CERS5: variants seen among roughly 807,000 people sequenced by gnomAD.
CERS5 encodes LAG1 homolog, ceramide synthase 5.
In CERS5, 37 loss-of-function variants were observed where a neutral mutation model predicts 58.9. The ratio of observed to expected loss-of-function variants is 0.63; its 90% CI spans 0.48 to 0.83. The LOEUF is 0.83. Ranked by LOEUF, CERS5 falls within the 40% of genes least tolerant of loss-of-function variation. CERS5 has a pLI of 0.00. For missense variants in CERS5, 398 were observed against 489.3 expected (o/e 0.81, Z 1.76); for synonymous variants, 147 against 177.8 (o/e 0.83, Z 1.38).
chr12:50,149,670 G>A lies in CERS5; in HGVS notation c.198-5613C>T, dbSNP rs550003881. On this transcript the variant is annotated intron_variant, in intron 1 of 9. Transcript: ENST00000317551. ...TCTCAGGGTGATCCATGGGGCCTTC[G>A]GGTAGCCAGAAACCTTTAGTCTGTA... Among the ~76,000 whole-genome samples the A allele has an allele frequency of 6.0e-4, 92 of 152,200 alleles. 1 individual carries two copies. In the South Asian group the frequency reaches 0.018, roughly 30 times the overall value.
intron 4 of CERS5, among the ~76,000 whole-genome samples, chr12:50,140,408 C>G (rs908668668): frequency 4.6e-5 from 7 of 151,128 alleles, no homozygotes; most frequent in African/African-American, 1.7e-4. Context: ...CTCAGCCTCC[C>G]CAGCAGTTGG....
chr12:50,160,105 G>A (rs955665059), intron 1 of CERS5, among the ~76,000 whole-genome samples: 62 of 151,696 alleles, frequency 4.1e-4, no homozygotes, highest in African/African-American at 1.4e-3. Context: ...AGGAGTTCAA[G>A]ACCAGTCTGG....
intron 6 of CERS5, among the ~76,000 whole-genome samples, chr12:50,137,037 A>C (rs1157811945): frequency 6.6e-6 from 1 of 152,230 alleles, no homozygotes; most frequent in African/African-American, 2.4e-5. Flanking sequence ...GGTAAGTTTT[A>C]ATTCATTCCC....
chr12:50,153,296 T>TTTTTC (rs1170448767), intron 1 of CERS5, among the ~76,000 whole-genome samples: 1 of 125,566 alleles, frequency 8.0e-6, no homozygotes, highest in Non-Finnish European at 1.6e-5. Flanking sequence ...TTTTTTTTTT[T>TTTTTC]CTGAGACGGA....
chr12:50,133,900 C>T (rs1278269881), intron 9 of CERS5: 2 of 267,814 alleles, frequency 7.5e-6, no homozygotes, highest in South Asian at 1.4e-4. Flanking sequence ...AGTGAAACCC[C>T]GTTTCTACTA....
chr12:50,133,751 C>T (rs1951461793), intron 9 of CERS5: 1 of 985,594 alleles, frequency 1.0e-6, no homozygotes. Flanking sequence ...GTAGAACTTT[C>T]CTCTTGCGTC....
intron 1 of CERS5, among the ~76,000 whole-genome samples, chr12:50,152,579 T>TAAAAATACAAAAAAAAATTAGCCAGGTG: frequency 1.3e-5 from 2 of 151,854 alleles, no homozygotes; most frequent in Non-Finnish European, 2.9e-5. Flanking sequence ...CAGTCTCCAC[T>TAAAAATACAAAAAAAAATTAGCCAGGTG]TATTCTGTGA....
At chr12:50,131,726 T>C (rs1380254183) in intron 9 of CERS5, among the ~76,000 whole-genome samples, 1 of 152,152 alleles carries the variant, frequency 6.6e-6, no homozygotes, top group African/African-American at 2.4e-5. Context: ...TTTTGTATTA[T>C]TTTCAAATGA....
At position 50,141,710 on chromosome 12, in the gene CERS5, G is replaced by A. The variant is rs975795085; in HGVS notation, c.492+343C>T. On this transcript the variant is annotated intron_variant, in intron 4 of 9. Transcript: ENST00000317551. The stretch of plus-strand genomic sequence containing the variant: ...TCCTGGCACTTTGGGAGGCCAAGGC[G>A]GGTGGATCACCTGAGGTCAGGAGTT... Among the ~76,000 whole-genome samples, 11 of 151,750 alleles carry A rather than the reference G, an allele frequency of 7.2e-5. No individual in the cohort carries two copies. The South Asian group carries it at 8.3e-4, about 11-fold the overall frequency.
chr12:50,138,603 C>G lies in CERS5; in HGVS notation c.507G>C (p.Trp169Cys). 5 of 1,613,708 alleles carry G rather than the reference C, an allele frequency of 3.1e-6. No homozygotes were observed. Among genetic ancestry groups the G allele is most frequent in the Non-Finnish European group, 4.2e-6 (5 of 1,179,730 alleles). The change falls in exon 5 of 10, where the codon TGG becomes TGC. Residue 169 changes from tryptophan (W) to cysteine (C), a missense_variant. Transcript: ENST00000317551. ...IRFLWSSPWF[W>C]DIRQCWHNYP... ...AGTTATGCCAGCACTGTCGGATGTC[C>G]CAGAACCAAGGTGACTAAGAGAAAA...
chr12:50,139,993 G>A (rs575309707), intron 4 of CERS5, among the ~76,000 whole-genome samples: 1 of 152,058 alleles, frequency 6.6e-6, no homozygotes, highest in South Asian at 2.1e-4. Flanking sequence ...AAAGTGAGGG[G>A]AGTACAGGGG....
intron 1 of CERS5, among the ~76,000 whole-genome samples, chr12:50,153,071 A>AAAT (rs1009381183): frequency 2.6e-5 from 4 of 151,724 alleles, no homozygotes; most frequent in Non-Finnish European, 2.9e-5. Context: ...CTTTGTCTCA[A>AAAT]AATAATAATA....
Position 50,142,101 on chromosome 12 carries a change from G to T in CERS5, c.444C>A (p.Phe148Leu). 1 of 1,603,822 alleles carries T rather than the reference G, an allele frequency of 6.2e-7. No homozygotes were observed. The highest frequency in any genetic ancestry group is 1.1e-5 in the South Asian group (1 of 90,398). Residue 148 changes from phenylalanine (F) to leucine (L), a missense_variant, in exon 4 of 10, where the codon TTC (phenylalanine) becomes TTA (leucine). Transcript: ENST00000317551. ...LTKFCESMWR[F>L]TFYLCIFCYG... ...AGCAGAATATACATAAATAAAATGT[G>T]AATCTCCACCTGGGTGGGCAAAGAG...
At chr12:50,138,270 TAC>T (rs1951791039) in intron 5 of CERS5, among the ~76,000 whole-genome samples, 1 of 152,124 alleles carries the variant, frequency 6.6e-6, no homozygotes, top group Non-Finnish European at 1.5e-5. Flanking sequence ...CCTCATTAAA[TAC>T]CAGAAACTTG....
chr12:50,142,174 G>A, intron 3 of CERS5, 64 bp from the exon 4 acceptor site: 2 of 1,111,508 alleles, frequency 1.8e-6, no homozygotes, highest in Non-Finnish European at 2.7e-6. Flanking sequence ...TGAGGCTACG[G>A]AAGTCAAGAT....
intron 9 of CERS5, chr12:50,133,536 T>C: frequency 1.0e-6 from 1 of 987,572 alleles, no homozygotes; most frequent in East Asian, 1.1e-4. Flanking sequence ...ACACACCACT[T>C]CTAGGCAACT....
chr12:50,139,253 G>A (rs1439378738), intron 4 of CERS5, among the ~76,000 whole-genome samples: 1 of 152,082 alleles, frequency 6.6e-6, no homozygotes, highest in Non-Finnish European at 1.5e-5. Flanking sequence ...GGTGAGGTGG[G>A]TGGATTGCTT....
chr12:50,138,514 A>T, intron 5 of CERS5, 53 bp downstream of exon 5: 1 of 1,468,974 alleles, frequency 6.8e-7, no homozygotes, highest in Non-Finnish European at 9.5e-7. Context: ...ACCCTCACTC[A>T]CTCCACCTTA....
intron 9 of CERS5, among the ~76,000 whole-genome samples, chr12:50,131,114 T>C (rs1438879011): frequency 1.3e-5 from 2 of 152,266 alleles, no homozygotes; most frequent in South Asian, 2.1e-4. Context: ...TTTATTCGTA[T>C]TGGTTATGCT....
Sources: allele counts gnomAD v4.1 joint callset (sites outside exome capture counted in the v4.1 genomes callset), GRCh38; gene constraint gnomAD v4.1.1; transcripts MANE v1.5; gene names NCBI Gene and HGNC (gene_info 2026-07-23, HGNC 2026-07-21).